The following GALNT17 variants were observed in gnomAD, a reference collection of about 807,000 sequenced individuals.
GALNT17 encodes UDP-GalNAc:polypeptide N-acetylgalactosaminyltransferase-like 3.
A neutral mutation model predicts 63.7 loss-of-function variants in GALNT17; 29 were observed. That is an observed-to-expected ratio of 0.46 (90% CI 0.34 to 0.62). The LOEUF is 0.62. GALNT17 is among the 20% of genes least tolerant of loss of function. GALNT17 has a pLI of 0.01. For synonymous variants in GALNT17, 305 were observed against 318.3 expected (o/e 0.96, Z 0.45); for missense variants, 603 against 799.6 (o/e 0.75, Z 2.97).
At chr7:71,638,578 G>A (rs1197379400) in intron 6 of GALNT17, among the ~76,000 whole-genome samples, 1 of 152,186 alleles carries the variant, frequency 6.6e-6, no homozygotes, top group Non-Finnish European at 1.5e-5. Context: ...TACAGACACG[G>A]CATGGGTAGT....
intron 1 of GALNT17, among the ~76,000 whole-genome samples, chr7:71,168,527 G>A (rs900320187): frequency 5.9e-5 from 9 of 151,852 alleles, no homozygotes; most frequent in East Asian, 1.9e-4. Context: ...AACCGAGATC[G>A]CACCATTGCA....
chr7:71,183,532 G>A (rs1186350207), intron 1 of GALNT17, among the ~76,000 whole-genome samples: 1 of 152,086 alleles, frequency 6.6e-6, no homozygotes, highest in Non-Finnish European at 1.5e-5. Flanking sequence ...GATATTGCTC[G>A]CCAAGACCCT....
intron 9 of GALNT17, among the ~76,000 whole-genome samples, chr7:71,679,670 G>A (rs1435627918): frequency 6.6e-6 from 1 of 151,966 alleles, no homozygotes; most frequent in African/African-American, 2.4e-5. Flanking sequence ...AGGGAGTGCT[G>A]AGAGAGAAGG....
chr7:71,293,320 T>C (rs1791018783), intron 1 of GALNT17, among the ~76,000 whole-genome samples: 1 of 152,212 alleles, frequency 6.6e-6, no homozygotes, highest in Non-Finnish European at 1.5e-5. Flanking sequence ...CAGTTCCCCC[T>C]GCAGTGTACA....
At chr7:71,329,653 G>A (rs1791768326) in intron 1 of GALNT17, among the ~76,000 whole-genome samples, 1 of 150,242 alleles carries the variant, frequency 6.7e-6, no homozygotes, top group African/African-American at 2.4e-5. Flanking sequence ...ACAGAGCCAG[G>A]AGAGAGAGAG....
At chr7:71,705,184 CT>C (rs951906218) in intron 9 of GALNT17, among the ~76,000 whole-genome samples, 3 of 152,010 alleles carry the variant, frequency 2.0e-5, no homozygotes, top group African/African-American at 4.8e-5. Context: ...ACAAATAACC[CT>C]TTTTTTGATG....
At chr7:71,628,991 CTG>C (rs1426575551) in intron 6 of GALNT17, among the ~76,000 whole-genome samples, 1 of 152,102 alleles carries the variant, frequency 6.6e-6, no homozygotes, top group Non-Finnish European at 1.5e-5. Context: ...ACTGTTCAGA[CTG>C]TTTTTGGATG....
At chr7:71,681,383 C>A (rs1791259441) in intron 9 of GALNT17, among the ~76,000 whole-genome samples, 1 of 152,188 alleles carries the variant, frequency 6.6e-6, no homozygotes, top group Admixed American at 6.6e-5. Flanking sequence ...TTGGAATAGA[C>A]CAAATGAAAA....
At chr7:71,291,273 G>A (rs576974879) in intron 1 of GALNT17, among the ~76,000 whole-genome samples, 20 of 152,010 alleles carry the variant, frequency 1.3e-4, no homozygotes, top group Admixed American at 5.9e-4. Flanking sequence ...CGGTGGACTC[G>A]GTTTTGTTCT....
intron 1 of GALNT17, among the ~76,000 whole-genome samples, chr7:71,282,151 AC>A (rs1790789708): frequency 6.6e-6 from 1 of 152,106 alleles, no homozygotes. Flanking sequence ...AAATCCCAAA[AC>A]CCATTCAGTG....
chr7:71,699,383 G>C (rs1279128214), intron 9 of GALNT17, among the ~76,000 whole-genome samples: 1 of 151,554 alleles, frequency 6.6e-6, no homozygotes, highest in Non-Finnish European at 1.5e-5. Context: ...GTCTGAGGCA[G>C]GAGAATCGCT....
chr7:71,625,225 A>G (rs764743332), intron 6 of GALNT17, among the ~76,000 whole-genome samples: 43 of 151,752 alleles, frequency 2.8e-4, no homozygotes, highest in Non-Finnish European at 3.7e-4. Flanking sequence ...GCTCACTGCA[A>G]CCTCCATCTC....
chr7:71,677,672 G>A (rs1036132441), intron 9 of GALNT17, among the ~76,000 whole-genome samples: 3 of 151,968 alleles, frequency 2.0e-5, no homozygotes, highest in African/African-American at 7.2e-5. Flanking sequence ...CCGCCACTGC[G>A]CCCAGCTAAT....
At chr7:71,173,461 ACT>A (rs1788581070) in intron 1 of GALNT17, among the ~76,000 whole-genome samples, 1 of 152,192 alleles carries the variant, frequency 6.6e-6, no homozygotes, top group Non-Finnish European at 1.5e-5. Flanking sequence ...TTCTAATATT[ACT>A]GTCTTTCTTA....
At chr7:71,678,993 A>C (rs1791195137) in intron 9 of GALNT17, among the ~76,000 whole-genome samples, 1 of 150,588 alleles carries the variant, frequency 6.6e-6, no homozygotes, top group Non-Finnish European at 1.5e-5. Flanking sequence ...CGATCCATTT[A>C]AATCCAAGTT....
chr7:71,430,429 A>G (rs1786840497), intron 5 of GALNT17, among the ~76,000 whole-genome samples: 1 of 152,156 alleles, frequency 6.6e-6, no homozygotes, highest in Non-Finnish European at 1.5e-5. Context: ...TGAGACTTTC[A>G]CCATGAGAGG....
intron 2 of GALNT17, among the ~76,000 whole-genome samples, chr7:71,366,453 C>T (rs758877736): frequency 3.7e-4 from 56 of 152,038 alleles, no homozygotes; most frequent in African/African-American, 8.2e-4. Flanking sequence ...TGGTGGCGGG[C>T]GCCTGTAATC....
chr7:71,136,147 C>A (rs1264656296), intron 1 of GALNT17, among the ~76,000 whole-genome samples: 11 of 152,186 alleles, frequency 7.2e-5, no homozygotes, highest in Non-Finnish European at 1.3e-4. Context: ...CGTGTCCCAT[C>A]TGTTGATGCC....
chr7:71,231,413 T>C (rs976755245), intron 1 of GALNT17, among the ~76,000 whole-genome samples: 1 of 152,120 alleles, frequency 6.6e-6, no homozygotes, highest in African/African-American at 2.4e-5. Flanking sequence ...ACAGGTAATC[T>C]GCAAACTGCA....
Sources: allele counts gnomAD v4.1 joint callset (sites outside exome capture counted in the v4.1 genomes callset), GRCh38; gene constraint gnomAD v4.1.1; transcripts MANE v1.5; gene names NCBI Gene and HGNC (gene_info 2026-07-23, HGNC 2026-07-21).